Variants in PCDHGB2 observed in about 807,000 individuals in gnomAD.
PCDHGB2 encodes the protein protocadherin gamma subfamily B, 2.
PCDHGB2 carries 55 observed loss-of-function variants against 59.3 expected under a neutral mutation model. That is an observed-to-expected ratio of 0.93 (90% CI 0.75 to 1.16). PCDHGB2 has a LOEUF of 1.16. Ranked by LOEUF, PCDHGB2 falls within the 50% of genes most tolerant of loss-of-function variation. PCDHGB2 has a pLI of 0.00. For missense variants in PCDHGB2, 1,228 were observed against 1,198.5 expected (o/e 1.02, Z -0.36); for synonymous variants, 516 against 512.0 (o/e 1.01, Z -0.11).
intron 2 of PCDHGB2, among the ~76,000 whole-genome samples, chr5:141,501,052 A>G (rs1007055288): frequency 6.6e-6 from 1 of 151,988 alleles, no homozygotes; most frequent in Non-Finnish European, 1.5e-5. Flanking sequence ...TATTTTTAGT[A>G]GAGACGGGGT....
At chr5:141,407,124 T>C (rs1409043654) in intron 1 of PCDHGB2, among the ~76,000 whole-genome samples, 1 of 152,242 alleles carries the variant, frequency 6.6e-6, no homozygotes, top group Non-Finnish European at 1.5e-5. Flanking sequence ...TTTCAGTTGC[T>C]TTATTTTTAA....
At chr5:141,466,794 T>C (rs1487051313) in intron 1 of PCDHGB2, among the ~76,000 whole-genome samples, 2 of 152,226 alleles carry the variant, frequency 1.3e-5, no homozygotes, top group Non-Finnish European at 2.9e-5. Context: ...TGCCTCAAAC[T>C]AGATCCTATT....
At chr5:141,501,983 C>T (rs957901405) in intron 2 of PCDHGB2, among the ~76,000 whole-genome samples, 1 of 152,068 alleles carries the variant, frequency 6.6e-6, no homozygotes, top group Non-Finnish European at 1.5e-5. Context: ...CATCTGGTCC[C>T]GTTGTCTCCC....
rs778612383 is a variant in PCDHGB2, at chr5:141,360,299, G to A, written c.164G>A (p.Gly55Glu). The A allele has an allele frequency of 1.9e-6, 3 of 1,613,972 alleles. No homozygotes were observed. The South Asian group carries it at 3.3e-5, about 18-fold the overall frequency. ...SVVGNLAKDL[G>E]LSVRDLPARK... ...GTAGGAAACCTCGCCAAGGATCTGGGGCTCAGCGTCCGGGACTTGCCAGCC... is the reference window on the plus strand; with the variant it reads ...GTAGGAAACCTCGCCAAGGATCTGGAGCTCAGCGTCCGGGACTTGCCAGCC... The change falls in exon 1 of 4, where the codon GGG becomes GAG. Residue 55 changes from glycine to glutamate, a missense_variant. Around this residue, in one of 3 missense-constraint regions of PCDHGB2, gnomAD observed 781 missense variants for 721.6 expected, o/e 1.08. Coordinates refer to ENST00000522605, the MANE Select transcript of PCDHGB2 (RefSeq NM_018923.3).
intron 1 of PCDHGB2, among the ~76,000 whole-genome samples, chr5:141,451,108 G>A (rs1484218835): frequency 3.3e-5 from 5 of 151,860 alleles, no homozygotes; most frequent in South Asian, 2.1e-4. Flanking sequence ...GATTACAGGC[G>A]TGAGCCACCA....
Position 141,486,662 on chromosome 5 carries a change from C to T in PCDHGB2, c.2422-8145C>T. 6.2e-7 allele frequency: 1 copy of T among 1,613,970 alleles called. No homozygotes were observed. The highest frequency in any genetic ancestry group is 1.1e-5 in the South Asian group (1 of 91,086). ...GCTTATCTCCTACTCACTCCTGGAG[C>T]CCAGGAATCGAGATGTATCAGCTTC... On this transcript the variant is annotated intron_variant, in intron 1 of 3. Coordinates refer to ENST00000522605, the MANE Select transcript of PCDHGB2 (RefSeq NM_018923.3). The surrounding 1 kb of genome is among the most constrained non-coding windows in gnomAD (Gnocchi z 5.0).
rs567174433 is a variant in PCDHGB2, at chr5:141,443,351, G to A, written c.2422-51456G>A. On this transcript the variant is annotated intron_variant, in intron 1 of 3. Coordinates refer to ENST00000522605, the MANE Select transcript of PCDHGB2 (RefSeq NM_018923.3). ...AAAACAAAAATTAACAAGGTTTAGT[G>A]GTCCATGCCTGTGGTCTCAGCTACT... 6.6e-5 allele frequency among the ~76,000 whole-genome samples: 10 copies of A among 152,072 alleles called. No homozygotes were observed. The South Asian group carries it at 2.1e-3, about 32-fold the overall frequency.
chr5:141,442,561 G>C (rs2098332268), intron 1 of PCDHGB2: 1 of 152,198 alleles, frequency 6.6e-6, no homozygotes, highest in African/African-American at 2.4e-5. Context: ...ACTAAGTTCA[G>C]TCACAAGCAG....
At chr5:141,378,101 A>C (rs1018772587) in intron 1 of PCDHGB2, 21 of 152,208 alleles carry the variant, frequency 1.4e-4, no homozygotes, top group Admixed American at 1.0e-3. Flanking sequence ...TCAAACTCTA[A>C]AGCAGCATAG....
At chr5:141,508,535 C>CA (rs1426956469) in intron 3 of PCDHGB2, among the ~76,000 whole-genome samples, 1 of 152,172 alleles carries the variant, frequency 6.6e-6, no homozygotes, top group Admixed American at 6.5e-5. Flanking sequence ...GGGCACCCCC[C>CA]ACGAGGTGGG....
In PCDHGB2 at chr5:141,360,475, CTAAA is replaced by C; in HGVS notation, c.343_346del (p.Asn115PhefsTer4). The C allele has an allele frequency of 6.2e-7, 1 of 1,613,928 alleles. No homozygotes were observed. The highest frequency in any genetic ancestry group is 1.3e-5 in the African/African-American group (1 of 75,028). ...TTTCGATACTGTCGCTGAAAATCCA[CTAAA>C]TATTTTCTACATAGCAGTAATTGTG... On this transcript the variant is annotated frameshift_variant, in exon 1 of 4. Transcript: ENST00000522605. LOFTEE classifies it high-confidence loss of function.
At position 141,394,947 on chromosome 5, in the gene PCDHGB2, C is replaced by T. The variant is rs536743847; in HGVS notation, c.2421+32391C>T. The T allele has an allele frequency of 1.7e-5, 27 of 1,613,892 alleles. No homozygotes were observed. In the African/African-American group the frequency reaches 2.8e-4, roughly 17 times the overall value. Reference sequence around the variant, plus strand: ...CTTCCTCGCCTTTGTCGCTGTGCTTCTGGGGCTCAGGCTGAGGCGCTGGCA... The same window carrying T: ...CTTCCTCGCCTTTGTCGCTGTGCTTTTGGGGCTCAGGCTGAGGCGCTGGCA... On this transcript the variant is annotated intron_variant, in intron 1 of 3. Coordinates refer to ENST00000522605, the MANE Select transcript of PCDHGB2 (RefSeq NM_018923.3).
intron 1 of PCDHGB2, chr5:141,421,613 A>T (rs2096587756): frequency 6.2e-7 from 1 of 1,613,720 alleles, no homozygotes; most frequent in Admixed American, 1.7e-5. Context: ...GATATTAATG[A>T]TAACGCCCCC....
intron 1 of PCDHGB2, among the ~76,000 whole-genome samples, chr5:141,439,398 T>C (rs2098110369): frequency 6.6e-6 from 1 of 152,212 alleles, no homozygotes; most frequent in Admixed American, 6.5e-5. Context: ...TTCGACTTCA[T>C]GTGCTAACAT....
intron 1 of PCDHGB2, chr5:141,419,076 C>G: frequency 6.2e-7 from 1 of 1,613,956 alleles, no homozygotes; most frequent in Non-Finnish European, 8.5e-7. Context: ...AAGCTAGTAA[C>G]AGATGAGGCC....
At chr5:141,417,994 G>T (rs369226139) in intron 1 of PCDHGB2, 231 of 1,613,766 alleles carry the variant, frequency 1.4e-4, no homozygotes, top group Non-Finnish European at 1.8e-4. Flanking sequence ...CCAAGGGCTC[G>T]GTGGTGGGGA....
rs2093964070 is a variant in PCDHGB2, at chr5:141,400,115, G to A, written c.2421+37559G>A. On this transcript the variant is annotated intron_variant, in intron 1 of 3. Coordinates refer to ENST00000522605, the MANE Select transcript of PCDHGB2 (RefSeq NM_018923.3). ...ACGCTGCACTTGGTCTTTGCTGACA[G>A]CTTGCAGGAGGTGCTGCCGGATATC... The A allele has an allele frequency of 1.9e-6, 3 of 1,613,966 alleles. No individual in the cohort carries two copies. The African/African-American group carries it at 4.0e-5, about 22-fold the overall frequency.
In PCDHGB2 at chr5:141,397,217, T is replaced by C. The variant is rs534809290; in HGVS notation, c.2421+34661T>C. On this transcript the variant is annotated intron_variant, in intron 1 of 3. Transcript: ENST00000522605. The stretch of plus-strand genomic sequence containing the variant: ...AAAGATATGACATAAGAGAAGTATT[T>C]TGAGATATGAAGAAGAGCAACGTAG... Among the ~76,000 whole-genome samples, 15 of 152,296 alleles carry C rather than the reference T, an allele frequency of 9.8e-5. No individual in the cohort carries two copies. In the East Asian group the frequency reaches 2.5e-3, roughly 25 times the overall value.
intron 1 of PCDHGB2, chr5:141,370,948 A>G (rs1401435063): frequency 6.2e-7 from 1 of 1,613,966 alleles, no homozygotes. Flanking sequence ...CAGAAGGAGA[A>G]CCTGGATGGC....
Sources: gnomAD v4.1 joint callset for allele counts (sites outside exome capture counted in the v4.1 genomes callset) on GRCh38, gnomAD v4.1.1 for gene constraint, gnomAD v4.1.1 regional missense constraint, Gnocchi (gnomAD v3.1) non-coding constraint, MANE v1.5 for transcripts, NCBI Gene and HGNC (gene_info 2026-07-23, HGNC 2026-07-21) for gene names.